DLGAP1: variants seen among roughly 807,000 people sequenced by gnomAD.
DLGAP1 encodes the protein disks large-associated protein 1.
A neutral mutation model predicts 90.8 loss-of-function variants in DLGAP1; 11 were observed. The observed-to-expected ratio is 0.12, with a 90% CI of 0.08 to 0.20. The LOEUF is 0.20. DLGAP1 is among the 10% of genes least tolerant of loss of function. DLGAP1 has a pLI of 1.00. For missense variants in DLGAP1, 1,050 were observed against 1,333.8 expected (o/e 0.79, Z 3.31); for synonymous variants, 558 against 540.7 (o/e 1.03, Z -0.44).
rs1368103118 is a variant in DLGAP1, at chr18:3,496,330, CAAGG to C, written c.*2851_*2854del. The stretch of plus-strand genomic sequence containing the variant: ...TTTTAAAAAAGAAATGGTAAATTCA[CAAGG>C]ATAAGGCTTAAATGAAAGTGGTAAT... On this transcript the variant is annotated 3_prime_UTR_variant, in exon 13 of 13. Coordinates refer to ENST00000315677, the MANE Select transcript of DLGAP1 (RefSeq NM_004746.4). 2 of 152,012 alleles carry C rather than the reference CAAGG, an allele frequency of 1.3e-5. No homozygotes were observed. The highest frequency in any genetic ancestry group is 4.8e-5 in the African/African-American group (2 of 41,388). The allele number at this position is 152,012 out of a possible 1,614,324, so 9.4% of individuals were successfully genotyped here.
intron 3 of DLGAP1, among the ~76,000 whole-genome samples, chr18:3,942,139 T>G (rs2072782458): frequency 6.6e-6 from 1 of 152,202 alleles, no homozygotes. Flanking sequence ...CTTTGTGACC[T>G]GAAGTGAGCT....
At chr18:4,308,012 G>A (rs936256300) in intron 1 of DLGAP1, among the ~76,000 whole-genome samples, 1 of 152,158 alleles carries the variant, frequency 6.6e-6, no homozygotes, top group African/African-American at 2.4e-5. Context: ...ACCGTGCCCG[G>A]CCGAGGGTTT....
intron 7 of DLGAP1, among the ~76,000 whole-genome samples, chr18:3,705,906 T>C (rs2061417168): frequency 6.6e-6 from 1 of 151,248 alleles, no homozygotes; most frequent in African/African-American, 2.4e-5. Flanking sequence ...TGATCCTCCC[T>C]GCTTGGCCTC....
At chr18:3,904,242 C>G (rs529187478) in intron 3 of DLGAP1, among the ~76,000 whole-genome samples, 15 of 152,334 alleles carry the variant, frequency 9.8e-5, no homozygotes, top group African/African-American at 3.6e-4. Flanking sequence ...CCAAATAGGG[C>G]ATGTAGCACT....
chr18:3,787,210 G>A (rs1048180946), intron 5 of DLGAP1, among the ~76,000 whole-genome samples: 15 of 152,152 alleles, frequency 9.9e-5, no homozygotes, highest in South Asian at 2.1e-4. Flanking sequence ...GGGGCCAGGC[G>A]TGGTGGCTTA....
chr18:3,595,634 C>T (rs2056535177), intron 7 of DLGAP1, among the ~76,000 whole-genome samples: 1 of 152,208 alleles, frequency 6.6e-6, no homozygotes, highest in South Asian at 2.1e-4. Flanking sequence ...CTGCACAGAA[C>T]TAGGGCACAC....
At chr18:4,408,458 T>G (rs1188318719) in intron 1 of DLGAP1, among the ~76,000 whole-genome samples, 3 of 151,568 alleles carry the variant, frequency 2.0e-5, no homozygotes, top group Non-Finnish European at 4.4e-5. Flanking sequence ...AAACCATAAA[T>G]GATAAACAAA....
chr18:3,919,589 G>GCTAT (rs1397742133), intron 3 of DLGAP1, among the ~76,000 whole-genome samples: 1 of 152,208 alleles, frequency 6.6e-6, no homozygotes, highest in Non-Finnish European at 1.5e-5. Context: ...CTTGAGTCAT[G>GCTAT]CTATAAACAG....
chr18:4,300,847 T>C (rs2080108242), intron 1 of DLGAP1, among the ~76,000 whole-genome samples: 1 of 152,196 alleles, frequency 6.6e-6, no homozygotes. Flanking sequence ...TTAAGAAAGC[T>C]TTCTCCCCTA....
chr18:4,062,429 G>A (rs1384415188), intron 2 of DLGAP1, among the ~76,000 whole-genome samples: 1 of 152,138 alleles, frequency 6.6e-6, no homozygotes, highest in East Asian at 1.9e-4. Flanking sequence ...AGTAAAGAAT[G>A]TCACTTTCTG....
chr18:4,338,831 CTG>C (rs1252840508), intron 1 of DLGAP1, among the ~76,000 whole-genome samples: 1 of 152,170 alleles, frequency 6.6e-6, no homozygotes, highest in African/African-American at 2.4e-5. Context: ...CACCAAGGCA[CTG>C]ATCAGGACAT....
chr18:3,997,972 C>T (rs1302788253), intron 3 of DLGAP1, among the ~76,000 whole-genome samples: 9 of 152,014 alleles, frequency 5.9e-5, no homozygotes, highest in Admixed American at 5.9e-4. Context: ...ACAGTAGACC[C>T]AGGTACATCA....
Position 3,743,606 on chromosome 18 carries a change from G to A in DLGAP1, c.1173-1094C>T, listed in dbSNP as rs188935214. Among the ~76,000 whole-genome samples, 322 of 151,244 alleles carry A rather than the reference G, an allele frequency of 2.1e-3. 3 individuals carry two copies. The highest frequency in any genetic ancestry group is 7.4e-3 in the African/African-American group (306 of 41,144). ...CCTGACCTCGTGATCCGCCCACCTCGGCCTCCCAAAGTGCTGTGATTACAG... is the reference window on the plus strand; with the variant it reads ...CCTGACCTCGTGATCCGCCCACCTCAGCCTCCCAAAGTGCTGTGATTACAG... On this transcript the variant is annotated intron_variant, in intron 5 of 12. Coordinates refer to ENST00000315677, the MANE Select transcript of DLGAP1 (RefSeq NM_004746.4).
chr18:3,939,065 T>C (rs1246545562), intron 3 of DLGAP1, among the ~76,000 whole-genome samples: 16 of 152,030 alleles, frequency 1.1e-4, no homozygotes, highest in Admixed American at 9.2e-4. Context: ...CAGAAGTGTA[T>C]TATTGAAAAT....
At chr18:4,355,048 G>A (rs918572090) in intron 1 of DLGAP1, among the ~76,000 whole-genome samples, 5 of 152,044 alleles carry the variant, frequency 3.3e-5, no homozygotes, top group South Asian at 2.1e-4. Context: ...TTGTACAGCC[G>A]CTCTGGGAAA....
At chr18:4,236,288 G>T (rs901085332) in intron 1 of DLGAP1, among the ~76,000 whole-genome samples, 3 of 152,178 alleles carry the variant, frequency 2.0e-5, no homozygotes, top group African/African-American at 7.2e-5. Flanking sequence ...GGACATAATT[G>T]TAATGATTAT....
rs555296477 is a variant in DLGAP1 at position 3,915,957 on chromosome 18, C to T, written c.-72-35817G>A. ...TCTATAAAGTAAAAGTCAATGAAAA[C>T]AGAGAAAATTCCCTACTCTACTATA... On this transcript the variant is annotated intron_variant, in intron 3 of 12. Transcript: ENST00000315677. Among the ~76,000 whole-genome samples, 6 of 152,192 alleles carry T rather than the reference C, an allele frequency of 3.9e-5. No homozygotes were observed. In the South Asian group the frequency reaches 1.2e-3, roughly 32 times the overall value.
intron 1 of DLGAP1, among the ~76,000 whole-genome samples, chr18:4,448,251 G>GTA (rs2144887243): frequency 6.6e-6 from 1 of 152,196 alleles, no homozygotes; most frequent in African/African-American, 2.4e-5. Flanking sequence ...GTTTCATTCT[G>GTA]TAACCCATTA....
chr18:3,609,976 T>G (rs1441093902), intron 7 of DLGAP1, among the ~76,000 whole-genome samples: 1 of 151,602 alleles, frequency 6.6e-6, no homozygotes, highest in Non-Finnish European at 1.5e-5. Flanking sequence ...GAGAATTGCT[T>G]GAACCTGGGA....
Sources: allele counts gnomAD v4.1 joint callset (sites outside exome capture counted in the v4.1 genomes callset), GRCh38; gene constraint gnomAD v4.1.1; transcripts MANE v1.5; gene names NCBI Gene and HGNC (gene_info 2026-07-23, HGNC 2026-07-21).